Variants in KCNT2 observed in about 807,000 individuals in gnomAD.
The protein encoded by KCNT2 is potassium channel subfamily T member 2.
KCNT2 carries 67 observed loss-of-function variants against 153.8 expected under a neutral mutation model. That is an observed-to-expected ratio of 0.44 (90% confidence interval 0.36 to 0.53). KCNT2 has a LOEUF of 0.53. KCNT2 is among the 20% of genes least tolerant of loss of function. The pLI, the probability that KCNT2 is intolerant of heterozygous loss-of-function variation, is 0.00. For missense variants in KCNT2, 975 were observed against 1,354.8 expected (o/e 0.72, Z 4.40); for synonymous variants, 500 against 458.8 (o/e 1.09, Z -1.15).
chr1:196,559,902 G>A (rs527522769), intron 1 of KCNT2, among the ~76,000 whole-genome samples: 2 of 151,768 alleles, frequency 1.3e-5, no homozygotes, highest in Non-Finnish European at 2.9e-5. Flanking sequence ...TGTGCATACA[G>A]GACACGTTAA....
intron 13 of KCNT2, among the ~76,000 whole-genome samples, chr1:196,379,645 T>A (rs1669308258): frequency 6.6e-6 from 1 of 151,796 alleles, no homozygotes; most frequent in Non-Finnish European, 1.5e-5. Flanking sequence ...ACAAGATATA[T>A]GTACATGCAT....
intron 14 of KCNT2, among the ~76,000 whole-genome samples, chr1:196,372,742 C>T (rs1668642613): frequency 6.6e-6 from 1 of 151,876 alleles, no homozygotes; most frequent in African/African-American, 2.4e-5. Context: ...AAACTTACCT[C>T]AGGAACAGAA....
At chr1:196,385,123 T>G (rs1669851880) in intron 13 of KCNT2, among the ~76,000 whole-genome samples, 1 of 152,178 alleles carries the variant, frequency 6.6e-6, no homozygotes, top group Non-Finnish European at 1.5e-5. Flanking sequence ...AGCCAAATGT[T>G]TTGTCTTGTT....
chr1:196,285,608 A>G, intron 23 of KCNT2, 49 bp downstream of exon 23: 1 of 1,196,906 alleles, frequency 8.4e-7, no homozygotes, highest in East Asian at 2.4e-5. Context: ...AATAAAATCT[A>G]AAACAGAAAA....
At chr1:196,256,485 G>A (rs1300918616) in intron 26 of KCNT2, among the ~76,000 whole-genome samples, 2 of 151,754 alleles carry the variant, frequency 1.3e-5, no homozygotes, top group Non-Finnish European at 2.9e-5. Flanking sequence ...TATGATATTA[G>A]TGACAACTTG....
At chr1:196,358,821 G>A (rs1027429958) in intron 14 of KCNT2, among the ~76,000 whole-genome samples, 4 of 151,832 alleles carry the variant, frequency 2.6e-5, no homozygotes, top group African/African-American at 9.7e-5. Flanking sequence ...ATCTCATCCT[G>A]CATGCTGATA....
In KCNT2 at chr1:196,227,555, T is replaced by G. The variant is rs1020677454; in HGVS notation, c.*669A>C. On this transcript the variant is annotated 3_prime_UTR_variant, in exon 28 of 28. Coordinates refer to ENST00000294725, the MANE Select transcript of KCNT2 (RefSeq NM_198503.5). ...TGCTAGACATAAAGTTACCAAAAAG[T>G]GCAGGAACCTAGTGTTTCTTTTCAT... 1 of 152,236 alleles carries G rather than the reference T, an allele frequency of 6.6e-6. No individual in the cohort carries two copies. The highest frequency in any genetic ancestry group is 1.5e-5 in the Non-Finnish European group (1 of 67,948). The allele number at this position is 152,236 out of a possible 1,614,324, so 9.4% of individuals were successfully genotyped here.
At chr1:196,272,176 T>C (rs1287674544) in intron 25 of KCNT2, among the ~76,000 whole-genome samples, 1 of 151,882 alleles carries the variant, frequency 6.6e-6, no homozygotes, top group Non-Finnish European at 1.5e-5. Context: ...GGCAAAATAA[T>C]TGGATAAGTG....
At chr1:196,443,806 G>T (rs1383401642) in intron 8 of KCNT2, among the ~76,000 whole-genome samples, 3 of 151,504 alleles carry the variant, frequency 2.0e-5, no homozygotes, top group Non-Finnish European at 4.4e-5. Flanking sequence ...TTTGGGCACA[G>T]AACTATTGAC....
chr1:196,308,996 TTAAACACTATAATATAA>T (rs1214705137), intron 21 of KCNT2, among the ~76,000 whole-genome samples: 38 of 151,952 alleles, frequency 2.5e-4, no homozygotes. Context: ...ATTCCTGACT[TTAAACACTATAATATAA>T]TAGATGAAAC....
chr1:196,332,904 C>CCTT (rs1664607528), intron 17 of KCNT2, among the ~76,000 whole-genome samples: 2 of 151,564 alleles, frequency 1.3e-5, no homozygotes, highest in South Asian at 4.2e-4. Context: ...CCTGTCTCAG[C>CCTT]CTTCCAAGTA....
At chr1:196,404,234 A>C in intron 12 of KCNT2, 1 of 480,524 alleles carries the variant, frequency 2.1e-6, no homozygotes, top group Non-Finnish European at 2.7e-6. Flanking sequence ...TAATCTAAAA[A>C]CTTGTCACTT....
rs1191191987 is a variant in KCNT2 at position 196,333,933 on chromosome 1, A to G, written c.1911T>C (p.Asp637=). The change falls in exon 17 of 28, where the codon GAT becomes GAC. Residue 637 remains aspartate, a synonymous_variant. Coordinates refer to ENST00000294725, the MANE Select transcript of KCNT2 (RefSeq NM_198503.5). ...GATCACATGTTTGAATCGATGATGT[A>G]TCTGCAACCTCTAAAACAGGAGCAA... The part of the protein sequence containing the change: ...PSIAPVLEVA[D]TSSIQTCDLL... 6.2e-7 allele frequency: 1 copy of G among 1,612,496 alleles called. No individual in the cohort carries two copies. Among genetic ancestry groups the G allele is most frequent in the African/African-American group, 1.3e-5 (1 of 74,872 alleles).
intron 22 of KCNT2, among the ~76,000 whole-genome samples, chr1:196,286,664 C>CAT (rs57248129): frequency 2.0e-5 from 3 of 150,566 alleles, no homozygotes; most frequent in Admixed American, 1.3e-4. Context: ...CACACACACA[C>CAT]GTTGTTTATG....
At chr1:196,496,327 G>T (rs1245814272) in intron 1 of KCNT2, among the ~76,000 whole-genome samples, 1 of 152,032 alleles carries the variant, frequency 6.6e-6, no homozygotes, top group Non-Finnish European at 1.5e-5. Flanking sequence ...AATTAGCCGG[G>T]CATGGTGGTG....
At chr1:196,537,661 A>C (rs938988926) in intron 1 of KCNT2, among the ~76,000 whole-genome samples, 2 of 152,174 alleles carry the variant, frequency 1.3e-5, no homozygotes, top group Non-Finnish European at 2.9e-5. Context: ...GCCAGGCAGG[A>C]CTGGGTCATG....
At chr1:196,482,166 G>A (rs572246871) in intron 4 of KCNT2, among the ~76,000 whole-genome samples, 165 bp downstream of exon 4, 1 of 152,144 alleles carries the variant, frequency 6.6e-6, no homozygotes, top group Admixed American at 6.5e-5. Flanking sequence ...GCAGGGCTCA[G>A]ACAAACAAGA....
chr1:196,405,990 A>G (rs1490398840), intron 12 of KCNT2, among the ~76,000 whole-genome samples: 1 of 151,554 alleles, frequency 6.6e-6, no homozygotes, highest in East Asian at 1.9e-4. Context: ...GTATTGTTGT[A>G]TAAACAATTC....
intron 13 of KCNT2, among the ~76,000 whole-genome samples, chr1:196,382,057 C>A (rs1669538691): frequency 1.7e-5 from 2 of 120,572 alleles, no homozygotes; most frequent in Admixed American, 1.7e-4. Flanking sequence ...AAAAAAGCCT[C>A]ACTTAAGGAA....
Sources: allele counts gnomAD v4.1 joint callset (sites outside exome capture counted in the v4.1 genomes callset), GRCh38; gene constraint gnomAD v4.1.1; transcripts MANE v1.5; gene names NCBI Gene and HGNC (gene_info 2026-07-23, HGNC 2026-07-21).